Variants in GPC5 observed in about 807,000 individuals in gnomAD.
GPC5 encodes the protein glypican-5.
In GPC5, 47 loss-of-function variants were observed where a neutral mutation model predicts 53.9. The ratio of observed to expected loss-of-function variants is 0.87; its 90% CI spans 0.69 to 1.11. The LOEUF (loss-of-function observed/expected upper bound fraction) is 1.11, where lower values mean the gene tolerates loss of function less well. Among genes scored for constraint, GPC5 ranks in the 50% most tolerant of loss-of-function variants. GPC5 has a pLI of 0.00. For synonymous variants in GPC5, 286 were observed against 263.3 expected (o/e 1.09, Z -0.84); for missense variants, 748 against 713.1 (o/e 1.05, Z -0.56).
chr13:91,911,421 G>A (rs921281730), intron 6 of GPC5, among the ~76,000 whole-genome samples: 4 of 152,070 alleles, frequency 2.6e-5, no homozygotes, highest in African/African-American at 9.7e-5. Flanking sequence ...GCTCACACCT[G>A]TAATCCCAGC....
At chr13:92,283,736 T>C (rs2042933228) in intron 7 of GPC5, among the ~76,000 whole-genome samples, 1 of 152,292 alleles carries the variant, frequency 6.6e-6, no homozygotes, top group East Asian at 1.9e-4. Flanking sequence ...GGGACACATT[T>C]AAAGCAGTGT....
chr13:92,013,801 A>G (rs1429387984), intron 6 of GPC5, among the ~76,000 whole-genome samples: 1 of 152,172 alleles, frequency 6.6e-6, no homozygotes, highest in Non-Finnish European at 1.5e-5. Context: ...TTTTAACTTT[A>G]ACATGAAAAA....
intron 7 of GPC5, among the ~76,000 whole-genome samples, chr13:92,863,285 A>T (rs1879238235): frequency 6.6e-6 from 1 of 152,142 alleles, no homozygotes; most frequent in South Asian, 2.1e-4. Context: ...TGGTCACTTA[A>T]CTTTCTAGTG....
chr13:92,646,328 A>G (rs1432695151), intron 7 of GPC5, among the ~76,000 whole-genome samples: 1 of 152,134 alleles, frequency 6.6e-6, no homozygotes, highest in Non-Finnish European at 1.5e-5. Context: ...CTAGCTGACT[A>G]TATATGTGTG....
intron 6 of GPC5, among the ~76,000 whole-genome samples, chr13:91,978,007 G>C (rs2040322699): frequency 6.6e-6 from 1 of 151,736 alleles, no homozygotes; most frequent in Non-Finnish European, 1.5e-5. Context: ...AATTAAATTA[G>C]CTGGGCATAG....
chr13:91,751,355 G>A (rs1029846056), intron 4 of GPC5, among the ~76,000 whole-genome samples: 1 of 152,170 alleles, frequency 6.6e-6, no homozygotes, highest in African/African-American at 2.4e-5. Flanking sequence ...AACCGTGAGA[G>A]ACTAAGTTAT....
intron 6 of GPC5, among the ~76,000 whole-genome samples, chr13:91,950,836 G>A (rs1212349747): frequency 6.6e-6 from 1 of 152,064 alleles, no homozygotes; most frequent in Non-Finnish European, 1.5e-5. Context: ...TTGACATTGG[G>A]GCACAAAGAG....
At chr13:92,673,026 G>A (rs1229760392) in intron 7 of GPC5, among the ~76,000 whole-genome samples, 3 of 152,016 alleles carry the variant, frequency 2.0e-5, no homozygotes, top group Admixed American at 6.6e-5. Flanking sequence ...TTGTACCCCC[G>A]AACCTAAAAT....
chr13:91,651,411 G>T (rs116657806), intron 2 of GPC5, among the ~76,000 whole-genome samples: 3,411 of 152,114 alleles, frequency 0.022, 128 homozygotes, highest in African/African-American at 0.078. Context: ...TGTGCACTTT[G>T]GTCACTTTGA....
chr13:92,262,003 C>G (rs1292109416), intron 7 of GPC5, among the ~76,000 whole-genome samples: 2 of 151,954 alleles, frequency 1.3e-5, no homozygotes, highest in Non-Finnish European at 2.9e-5. Flanking sequence ...TGCCATATGT[C>G]CAGTATTTGT....
Position 91,737,836 on chromosome 13 carries a change from T to C in GPC5, c.1154+9171T>C, listed in dbSNP as rs1330617263. ...AATATAATTGTCAGGGAGGGGAAAA[T>C]GTCTTCCTTCCACACTCTGAAATTC... On this transcript the variant is annotated intron_variant, in intron 4 of 7. Transcript: ENST00000377067. Among the ~76,000 whole-genome samples the C allele has an allele frequency of 4.0e-5, 6 of 151,388 alleles. 1 individual carries two copies. The highest frequency in any genetic ancestry group is 1.5e-4 in the African/African-American group (6 of 40,684).
At chr13:92,453,228 T>A (rs1878134885) in intron 7 of GPC5, among the ~76,000 whole-genome samples, 1 of 152,238 alleles carries the variant, frequency 6.6e-6, no homozygotes, top group Non-Finnish European at 1.5e-5. Context: ...TAGTTTAAAT[T>A]GTACATAGCA....
intron 2 of GPC5, among the ~76,000 whole-genome samples, chr13:91,531,058 A>G (rs1566480815): frequency 6.6e-6 from 1 of 152,176 alleles, no homozygotes; most frequent in African/African-American, 2.4e-5. Flanking sequence ...GAGATATTTT[A>G]AAACATTTAT....
chr13:92,108,274 T>C (rs911627767), intron 6 of GPC5, among the ~76,000 whole-genome samples: 8 of 152,218 alleles, frequency 5.3e-5, no homozygotes, highest in Admixed American at 2.6e-4. Context: ...AGGGTACTTA[T>C]GAAAAATATC....
intron 7 of GPC5, among the ~76,000 whole-genome samples, chr13:92,404,619 A>T (rs1875713251): frequency 6.6e-6 from 1 of 150,984 alleles, no homozygotes; most frequent in Non-Finnish European, 1.5e-5. Flanking sequence ...AATCATTCAC[A>T]GCAACTGGGA....
chr13:92,041,768 G>A (rs764820247), intron 6 of GPC5, among the ~76,000 whole-genome samples: 1 of 152,168 alleles, frequency 6.6e-6, no homozygotes, highest in Non-Finnish European at 1.5e-5. Context: ...TCTTCAACAT[G>A]AAACAACACT....
intron 7 of GPC5, among the ~76,000 whole-genome samples, chr13:92,665,104 C>T (rs1309428010): frequency 6.6e-6 from 1 of 151,972 alleles, no homozygotes; most frequent in Non-Finnish European, 1.5e-5. Context: ...AAAGGATGCA[C>T]CCAAAACTGC....
intron 6 of GPC5, among the ~76,000 whole-genome samples, chr13:91,973,046 A>T (rs1033639262): frequency 7.0e-4 from 106 of 152,268 alleles, no homozygotes; most frequent in African/African-American, 2.5e-3. Context: ...CTCCTGGATA[A>T]TATCCTGCAG....
intron 6 of GPC5, among the ~76,000 whole-genome samples, chr13:92,081,914 G>C (rs1234256299): frequency 1.3e-5 from 2 of 152,084 alleles, no homozygotes; most frequent in African/African-American, 4.8e-5. Flanking sequence ...ACATAATAGT[G>C]TAAAATAGAA....
Sources: allele counts gnomAD v4.1 joint callset (sites outside exome capture counted in the v4.1 genomes callset), GRCh38; gene constraint gnomAD v4.1.1; transcripts MANE v1.5; gene names NCBI Gene and HGNC (gene_info 2026-07-23, HGNC 2026-07-21).